CDH13: variants seen among roughly 807,000 people sequenced by gnomAD.
The protein encoded by CDH13 is cadherin-13.
CDH13 carries 24 observed loss-of-function variants against 63.8 expected under a neutral mutation model. The ratio of observed to expected loss-of-function variants is 0.38; its 90% CI spans 0.27 to 0.53. The LOEUF (loss-of-function observed/expected upper bound fraction) is 0.53, where lower values mean the gene tolerates loss of function less well. Among genes scored for constraint, CDH13 ranks in the 20% least tolerant of loss-of-function variants. The probability of loss-of-function intolerance (pLI) is 0.85; values close to 1 mark genes in which losing one functional copy is unlikely to be tolerated. For synonymous variants in CDH13, 503 were observed against 355.3 expected, an observed-to-expected ratio of 1.42 and a Z score of -4.67; for missense variants, 1,049 against 903.1, an observed-to-expected ratio of 1.16 and a Z score of -2.07.
At chr16:83,236,173 T>A (rs1296882185) in intron 5 of CDH13, among the ~76,000 whole-genome samples, 1 of 151,926 alleles carries the variant, frequency 6.6e-6, no homozygotes, top group Non-Finnish European at 1.5e-5. Flanking sequence ...ATAGAATAAC[T>A]TTTCCAAACT....
At chr16:82,638,723 G>A (rs970271566) in intron 1 of CDH13, among the ~76,000 whole-genome samples, 1 of 147,198 alleles carries the variant, frequency 6.8e-6, no homozygotes, top group African/African-American at 2.5e-5. Flanking sequence ...TGTTCCCCTC[G>A]GGATTCATGC....
chr16:83,237,286 G>T (rs997311312), intron 5 of CDH13, among the ~76,000 whole-genome samples: 2 of 152,200 alleles, frequency 1.3e-5, no homozygotes, highest in African/African-American at 4.8e-5. Flanking sequence ...CACGGTCACA[G>T]CCTAGTGACC....
At chr16:83,302,246 C>T (rs2089766020) in intron 5 of CDH13, among the ~76,000 whole-genome samples, 1 of 152,200 alleles carries the variant, frequency 6.6e-6, no homozygotes, top group African/African-American at 2.4e-5. Flanking sequence ...CTTTTACTTC[C>T]CGGATATTCA....
At chr16:83,470,591 A>C (rs774490677) in intron 6 of CDH13, among the ~76,000 whole-genome samples, 28 of 152,276 alleles carry the variant, frequency 1.8e-4, no homozygotes, top group Non-Finnish European at 3.1e-4. Context: ...CCTCTGAAAG[A>C]GTGTAATATG....
chr16:83,023,300 A>AC (rs55734721), intron 2 of CDH13, among the ~76,000 whole-genome samples: 78 of 151,578 alleles, frequency 5.1e-4, no homozygotes, highest in East Asian at 2.2e-3. Flanking sequence ...TGTTTTCACT[A>AC]CCCCCCGACT....
rs1341815848 is a variant in CDH13, at chr16:82,713,760, T to C, written c.45+86623T>C. Among the ~76,000 whole-genome samples, 3 of 148,742 alleles carry C rather than the reference T, an allele frequency of 2.0e-5. No individual in the cohort carries two copies. In the East Asian group the frequency reaches 6.0e-4, roughly 30 times the overall value. Reference sequence around the variant, plus strand: ...TCACCTAGGTCTCTGACTAATTCTATGAGCTTGGGCAAATTATTTAGCTTC... The same window carrying C: ...TCACCTAGGTCTCTGACTAATTCTACGAGCTTGGGCAAATTATTTAGCTTC... On this transcript the variant is annotated intron_variant, in intron 1 of 13. Transcript: ENST00000567109.
chr16:83,174,843 G>A (rs2038062758), intron 4 of CDH13, among the ~76,000 whole-genome samples: 1 of 152,078 alleles, frequency 6.6e-6, no homozygotes, highest in South Asian at 2.1e-4. Flanking sequence ...AAGCAGGAGA[G>A]AGAGAGAAAA....
At chr16:82,836,437 G>T (rs1043641317) in intron 1 of CDH13, among the ~76,000 whole-genome samples, 1 of 152,072 alleles carries the variant, frequency 6.6e-6, no homozygotes, top group Admixed American at 6.5e-5. Flanking sequence ...GGCATGAGCC[G>T]CTGTGCCTGG....
intron 1 of CDH13, among the ~76,000 whole-genome samples, chr16:82,659,741 C>T (rs529213978): frequency 2.0e-5 from 3 of 152,154 alleles, no homozygotes; most frequent in South Asian, 4.1e-4. Flanking sequence ...AAATTCTGAA[C>T]GTTAAATAGT....
At chr16:83,781,922 C>G (rs1915551176) in intron 12 of CDH13, among the ~76,000 whole-genome samples, 1 of 147,970 alleles carries the variant, frequency 6.8e-6, no homozygotes, top group African/African-American at 2.5e-5. Flanking sequence ...TACCCCGGAA[C>G]TTCAATTAAA....
intron 7 of CDH13, among the ~76,000 whole-genome samples, chr16:83,508,052 AGAAGAAGGAAG>A (rs1567722081): frequency 3.9e-5 from 2 of 51,528 alleles, no homozygotes; most frequent in African/African-American, 1.7e-4. Flanking sequence ...AGAGAGAAAG[AGAAGAAGGAAG>A]GAAGGAAGGA....
At chr16:83,227,071 C>T (rs1315758551) in intron 5 of CDH13, among the ~76,000 whole-genome samples, 2 of 152,060 alleles carry the variant, frequency 1.3e-5, no homozygotes, top group South Asian at 2.1e-4. Flanking sequence ...CCCTTGGGTT[C>T]GAGAACAGAA....
At chr16:82,915,991 G>C (rs2041975690) in intron 2 of CDH13, among the ~76,000 whole-genome samples, 13 of 152,022 alleles carry the variant, frequency 8.6e-5, no homozygotes, top group Admixed American at 6.6e-4. Context: ...TCTGAGCAGA[G>C]ACTTTTGGGC....
At chr16:82,713,815 AACAAAC>A (rs1157224579) in intron 1 of CDH13, among the ~76,000 whole-genome samples, 101 of 148,070 alleles carry the variant, frequency 6.8e-4, no homozygotes, top group East Asian at 5.1e-3. Flanking sequence ...TGAAAAAAAA[AACAAAC>A]AAAAAAAAAG....
chr16:82,857,169 C>A (rs2039737046), intron 1 of CDH13, among the ~76,000 whole-genome samples: 1 of 152,204 alleles, frequency 6.6e-6, no homozygotes, highest in Non-Finnish European at 1.5e-5. Flanking sequence ...TGGCTTCACC[C>A]ATTCCAACTG....
intron 7 of CDH13, among the ~76,000 whole-genome samples, chr16:83,540,112 T>C (rs916686872): frequency 4.6e-5 from 7 of 150,712 alleles, no homozygotes; most frequent in African/African-American, 1.7e-4. Context: ...GTCACCAGGC[T>C]GGAGTTCAGT....
intron 6 of CDH13, among the ~76,000 whole-genome samples, chr16:83,412,522 A>G (rs1248396910): frequency 6.6e-6 from 1 of 152,230 alleles, no homozygotes. Flanking sequence ...GGTTTTTGAG[A>G]GTCAGGCATA....
intron 8 of CDH13, among the ~76,000 whole-genome samples, chr16:83,662,666 A>G (rs1051423825): frequency 1.3e-5 from 2 of 152,174 alleles, no homozygotes; most frequent in African/African-American, 4.8e-5. Context: ...TTTTCATAAC[A>G]AGATGTGAAA....
chr16:83,328,714 A>G (rs2090422336), intron 5 of CDH13, among the ~76,000 whole-genome samples: 1 of 152,190 alleles, frequency 6.6e-6, no homozygotes, highest in South Asian at 2.1e-4. Flanking sequence ...GGATGTGTAT[A>G]AGGAGCATTG....
Sources: allele counts gnomAD v4.1 joint callset (sites outside exome capture counted in the v4.1 genomes callset), GRCh38; gene constraint gnomAD v4.1.1; transcripts MANE v1.5; gene names NCBI Gene and HGNC (gene_info 2026-07-23, HGNC 2026-07-21).